The following NKAIN3 variants were observed in gnomAD, a reference collection of about 807,000 sequenced individuals.
NKAIN3 encodes the protein sodium/potassium-transporting ATPase subunit beta-1-interacting protein 3.
NKAIN3 carries 25 observed loss-of-function variants against 30.2 expected under a neutral mutation model. The observed-to-expected ratio is 0.83, with a 90% CI of 0.60 to 1.16. NKAIN3 has a LOEUF of 1.16. NKAIN3 is among the 50% of genes most tolerant of loss of function. NKAIN3 has a pLI of 0.00. For missense variants in NKAIN3, 225 were observed against 254.1 expected (o/e 0.89, Z 0.78); for synonymous variants, 91 against 89.6 (o/e 1.02, Z -0.09).
Position 62,589,571 on chromosome 8 carries a change from TAG to T in NKAIN3, c.193-138_193-137del, listed in dbSNP as rs1810586052. 6.3e-6 allele frequency: 3 copies of T among 475,374 alleles called. No individual in the cohort carries two copies. The East Asian group carries it at 9.6e-5, about 15-fold the overall frequency. 29.4% of individuals were successfully genotyped at this position (475,374 alleles called of 1,614,324 possible). On this transcript the variant is annotated intron_variant, in intron 2 of 6. Coordinates refer to ENST00000623646, the MANE Select transcript of NKAIN3 (RefSeq NM_001304533.3). ...TTTCTGGAAAGCTTAGGGGACCACA[TAG>T]AGAGCACTCTTTTCTGAGCGCTCCG... is the stretch of plus-strand genomic sequence containing the variant.
downstream of NKAIN3, among the ~76,000 whole-genome samples, chr8:62,989,215 C>T (rs967640944): frequency 6.6e-6 from 1 of 152,218 alleles, no homozygotes; most frequent in Non-Finnish European, 1.5e-5. Context: ...TACCCAGTTC[C>T]AACATCACTT....
intron 4 of NKAIN3, among the ~76,000 whole-genome samples, chr8:62,907,517 G>A (rs190524291): frequency 2.8e-4 from 42 of 152,210 alleles, no homozygotes; most frequent in South Asian, 4.2e-4. Context: ...TCATGGCAGC[G>A]CCCCCCATAA....
At chr8:62,432,680 G>A (rs1214583929) in intron 1 of NKAIN3, among the ~76,000 whole-genome samples, 1 of 152,006 alleles carries the variant, frequency 6.6e-6, no homozygotes, top group African/African-American at 2.4e-5. Context: ...CCTTAGCCTG[G>A]ATCATGGAAA....
At chr8:62,886,540 A>T (rs1055958715) in intron 4 of NKAIN3, among the ~76,000 whole-genome samples, 1 of 152,118 alleles carries the variant, frequency 6.6e-6, no homozygotes, top group Non-Finnish European at 1.5e-5. Context: ...TTGTCAACAA[A>T]TTATCTCAAT....
At chr8:62,534,248 G>T (rs941132490) in intron 1 of NKAIN3, among the ~76,000 whole-genome samples, 2 of 152,122 alleles carry the variant, frequency 1.3e-5, no homozygotes, top group Non-Finnish European at 2.9e-5. Flanking sequence ...GCGACCACAC[G>T]TGGGAAAAGT....
intron 4 of NKAIN3, among the ~76,000 whole-genome samples, chr8:62,760,267 C>A (rs1256367240): frequency 1.3e-5 from 2 of 152,144 alleles, no homozygotes; most frequent in Non-Finnish European, 2.9e-5. Flanking sequence ...CCAGCAATCC[C>A]ATTACTGGGT....
intron 1 of NKAIN3, among the ~76,000 whole-genome samples, chr8:62,309,710 A>T (rs1437545531): frequency 2.0e-5 from 3 of 150,276 alleles, no homozygotes; most frequent in Non-Finnish European, 4.4e-5. Flanking sequence ...GATTATTCAG[A>T]TTTTTTGTAC....
rs185087618 is a variant in NKAIN3 at position 62,781,086 on chromosome 8, G to T, written c.471+33957G>T. Among the ~76,000 whole-genome samples, 419 of 152,100 alleles carry T rather than the reference G, an allele frequency of 2.8e-3. 3 individuals carry two copies. The highest frequency in any genetic ancestry group is 9.7e-3 in the African/African-American group (404 of 41,556). ...ACTTACAAACAAATTCAGTGAAGTT[G>T]CAGGATACAAAATTAACATAAAAAT... On this transcript the variant is annotated intron_variant, in intron 4 of 6. Transcript: ENST00000623646.
intron 1 of NKAIN3, among the ~76,000 whole-genome samples, chr8:62,407,095 A>G (rs555203305): frequency 1.3e-5 from 2 of 152,216 alleles, no homozygotes; most frequent in South Asian, 4.1e-4. Flanking sequence ...TTTAGGTATT[A>G]ATTTTAATTG....
chr8:62,844,658 A>G (rs1203367655), intron 4 of NKAIN3, among the ~76,000 whole-genome samples: 3 of 152,148 alleles, frequency 2.0e-5, no homozygotes, highest in Non-Finnish European at 4.4e-5. Flanking sequence ...GTTGTTCTAT[A>G]TTAGTTGCTT....
intron 1 of NKAIN3, among the ~76,000 whole-genome samples, chr8:62,391,110 C>G (rs921982388): frequency 2.0e-5 from 3 of 152,120 alleles, no homozygotes; most frequent in African/African-American, 4.8e-5. Flanking sequence ...CTCATGAAAT[C>G]TTTGCCCGTT....
chr8:62,935,786 G>A (rs1247256213), intron 5 of NKAIN3, among the ~76,000 whole-genome samples: 1 of 152,084 alleles, frequency 6.6e-6, no homozygotes, highest in Non-Finnish European at 1.5e-5. Context: ...TGGATATGAG[G>A]AGGCACATGT....
intron 1 of NKAIN3, among the ~76,000 whole-genome samples, chr8:62,467,259 T>C (rs554151479): frequency 1.3e-5 from 2 of 152,184 alleles, no homozygotes; most frequent in Non-Finnish European, 2.9e-5. Context: ...TACTATTTCA[T>C]TGCATTTATT....
intron 1 of NKAIN3, among the ~76,000 whole-genome samples, chr8:62,532,538 A>G (rs1808520777): frequency 6.6e-6 from 1 of 152,210 alleles, no homozygotes; most frequent in Non-Finnish European, 1.5e-5. Flanking sequence ...TCCCTGGCAG[A>G]CAGGCTCAGC....
chr8:62,613,593 T>C, intron 3 of NKAIN3, among the ~76,000 whole-genome samples: 1 of 152,128 alleles, frequency 6.6e-6, no homozygotes, highest in Non-Finnish European at 1.5e-5. Flanking sequence ...TTATTATCCT[T>C]TTGAGTAAAC....
Position 62,981,347 on chromosome 8 carries a change from T to C in NKAIN3, c.*15940T>C, listed in dbSNP as rs1312673051. ...TTAATAGCACCCGTGATAACTGTAATAAGAATATGTCTCGTTTTCTTTTAA... is the reference window on the plus strand; with the variant it reads ...TTAATAGCACCCGTGATAACTGTAACAAGAATATGTCTCGTTTTCTTTTAA... On this transcript the variant is annotated 3_prime_UTR_variant, in exon 7 of 7. Transcript: ENST00000623646. 1 of 152,202 alleles carries C rather than the reference T, an allele frequency of 6.6e-6. No individual in the cohort carries two copies. The highest frequency in any genetic ancestry group is 6.5e-5 in the Admixed American group (1 of 15,272). The allele number at this position is 152,202 out of a possible 1,614,324, so 9.4% of individuals were successfully genotyped here.
intron 1 of NKAIN3, among the ~76,000 whole-genome samples, chr8:62,553,168 C>T (rs1031666081): frequency 1.3e-5 from 2 of 152,142 alleles, no homozygotes; most frequent in African/African-American, 4.8e-5. Context: ...CAGCTCTGGA[C>T]TCACCCCTTC....
chr8:62,883,908 G>C (rs1821067336), intron 4 of NKAIN3, among the ~76,000 whole-genome samples: 1 of 152,032 alleles, frequency 6.6e-6, no homozygotes, highest in East Asian at 1.9e-4. Context: ...TTTGCTGAAA[G>C]TTTGTAATTA....
At position 62,438,319 on chromosome 8, in the gene NKAIN3, GTT is replaced by G. The variant is rs1805229295; in HGVS notation, c.55-141218_55-141217del. On this transcript the variant is annotated intron_variant, in intron 1 of 6. Coordinates refer to ENST00000623646, the MANE Select transcript of NKAIN3 (RefSeq NM_001304533.3). The stretch of plus-strand genomic sequence containing the variant: ...TAAAATCAATCTTTGCTTTCTCTTT[GTT>G]TATATTTTGTGTGAGAAATTTGTAT... 2.6e-5 allele frequency among the ~76,000 whole-genome samples: 4 copies of G among 152,150 alleles called. No homozygotes were observed. In the South Asian group the frequency reaches 8.3e-4, roughly 31 times the overall value.
Sources: allele counts gnomAD v4.1 joint callset (sites outside exome capture counted in the v4.1 genomes callset), GRCh38; gene constraint gnomAD v4.1.1; transcripts MANE v1.5; gene names NCBI Gene and HGNC (gene_info 2026-07-23, HGNC 2026-07-21).